The following LYRM4 variants were observed in gnomAD, a reference collection of about 807,000 sequenced individuals.
LYRM4 encodes LYR motif containing 4.
A neutral mutation model predicts 11.7 loss-of-function variants in LYRM4; 9 were observed. The ratio of observed to expected loss-of-function variants is 0.77; its 90% CI spans 0.46 to 1.34. The LOEUF (loss-of-function observed/expected upper bound fraction) is 1.34. Among genes scored for constraint, LYRM4 ranks in the 40% most tolerant of loss-of-function variants. LYRM4 has a pLI of 0.00. For synonymous variants in LYRM4, 42 were observed against 40.4 expected, an observed-to-expected ratio of 1.04 and a Z score of -0.15; for missense variants, 133 against 112.5, an observed-to-expected ratio of 1.18 and a Z score of -0.82.
chr6:5,060,735 C>T, the LYRM4 span, among the ~76,000 whole-genome samples: 1 of 152,142 alleles, frequency 6.6e-6, no homozygotes, highest in Non-Finnish European at 1.5e-5. Flanking sequence ...ACTGTGTTGC[C>T]CAGGCTGGTC....
intron 1 of LYRM4, among the ~76,000 whole-genome samples, chr6:5,220,152 T>C (rs1762502252): frequency 6.6e-6 from 1 of 152,208 alleles, no homozygotes; most frequent in Non-Finnish European, 1.5e-5. Flanking sequence ...TTATACTCTT[T>C]TCTGAGATTC....
chr6:5,245,111 AAAATATATATATATATATATATAT>A lies in LYRM4; in HGVS notation c.86+15513_86+15536del, dbSNP rs1281296724. ...CCTTAAAAAAAAAAAAAAAAAAAAAAAAATATATATATATATATATATATATATATATATATATATATATATATA... is the reference window on the plus strand; with the variant it reads ...CCTTAAAAAAAAAAAAAAAAAAAAAAATATATATATATATATATATATATA... On this transcript the variant is annotated intron_variant, in intron 1 of 2. Transcript: ENST00000330636. 1.7e-3 allele frequency among the ~76,000 whole-genome samples: 56 copies of A among 32,302 alleles called. 1 individual carries two copies. The highest frequency in any genetic ancestry group is 8.1e-3 in the African/African-American group (54 of 6,670). 21.2% of individuals were successfully genotyped at this position (32,302 alleles called of 152,430 possible).
At chr6:5,258,048 G>A (rs1424162318) in intron 1 of LYRM4, among the ~76,000 whole-genome samples, 4 of 152,140 alleles carry the variant, frequency 2.6e-5, no homozygotes, top group African/African-American at 9.7e-5. Context: ...CTCTAGACAG[G>A]AGTGATAAAG....
At chr6:5,123,926 G>A (rs1402677165) in intron 2 of LYRM4, among the ~76,000 whole-genome samples, 1 of 152,242 alleles carries the variant, frequency 6.6e-6, no homozygotes, top group African/African-American at 2.4e-5. Context: ...TGCTGCAAGA[G>A]GTGAAGATGA....
At chr6:5,160,405 G>A (rs868836480) in intron 2 of LYRM4, among the ~76,000 whole-genome samples, 2 of 152,092 alleles carry the variant, frequency 1.3e-5, no homozygotes, top group South Asian at 2.1e-4. Flanking sequence ...GAATTCCCAC[G>A]TGTGGTGGGA....
At position 5,228,515 on chromosome 6, in the gene LYRM4, T is replaced by C. The variant is rs1003893331; in HGVS notation, c.87-11777A>G. Reference sequence around the variant, plus strand: ...CTGGTATTGAACTCCTGACCTCAGGTAGTCCACCTGCCTTGGTCTCCCAAA... The same window carrying C: ...CTGGTATTGAACTCCTGACCTCAGGCAGTCCACCTGCCTTGGTCTCCCAAA... On this transcript the variant is annotated intron_variant, in intron 1 of 2. Transcript: ENST00000330636. Among the ~76,000 whole-genome samples, 8 of 152,080 alleles carry C rather than the reference T, an allele frequency of 5.3e-5. No homozygotes were observed. In the South Asian group the frequency reaches 1.0e-3, roughly 20 times the overall value.
chr6:5,073,930 G>A, the LYRM4 span, among the ~76,000 whole-genome samples: 12 of 152,270 alleles, frequency 7.9e-5, no homozygotes, highest in East Asian at 1.5e-3. Context: ...ATACCTTCCT[G>A]TCATGCTGCT....
intron 2 of LYRM4, chr6:5,136,612 C>A (rs1757114534): frequency 2.2e-5 from 22 of 985,352 alleles, no homozygotes; most frequent in Non-Finnish European, 2.7e-5. Context: ...TTAATGGCTT[C>A]TAGTAATCGA....
intron 1 of LYRM4, among the ~76,000 whole-genome samples, chr6:5,243,563 G>A (rs1024679413): frequency 1.3e-5 from 2 of 152,192 alleles, no homozygotes; most frequent in Non-Finnish European, 2.9e-5. Context: ...CCTAGGGTTA[G>A]AAGAATTCTG....
chr6:5,118,079 A>ATATATAT (rs142020013), intron 2 of LYRM4, among the ~76,000 whole-genome samples: 2 of 40,370 alleles, frequency 5.0e-5, no homozygotes, highest in East Asian at 1.5e-3. Context: ...TCACCAAAAC[A>ATATATAT]ATATATATAT....
chr6:5,197,505 C>T (rs1213516926), intron 2 of LYRM4, among the ~76,000 whole-genome samples: 1 of 151,804 alleles, frequency 6.6e-6, no homozygotes, highest in African/African-American at 2.4e-5. Flanking sequence ...AACCCCGTCT[C>T]TACTGAAAAT....
chr6:5,171,689 G>C (rs1759436235), intron 2 of LYRM4, among the ~76,000 whole-genome samples: 1 of 152,144 alleles, frequency 6.6e-6, no homozygotes, highest in Non-Finnish European at 1.5e-5. Flanking sequence ...AGAGTCTAAC[G>C]TGCTGACAAA....
intron 2 of LYRM4, among the ~76,000 whole-genome samples, chr6:5,134,403 T>A (rs1335458160): frequency 1.3e-5 from 2 of 152,264 alleles, no homozygotes; most frequent in East Asian, 3.8e-4. Flanking sequence ...TATAGATTTC[T>A]TTTAAAGACA....
At chr6:5,054,228 C>G in the LYRM4 span, 4 of 364,934 alleles carry the variant, frequency 1.1e-5, no homozygotes, top group South Asian at 1.1e-4. Flanking sequence ...AATGCCTTGT[C>G]CCTGGCACTG....
chr6:5,234,330 T>G (rs897136285), intron 1 of LYRM4, among the ~76,000 whole-genome samples: 4 of 152,234 alleles, frequency 2.6e-5, no homozygotes, highest in Admixed American at 6.5e-5. Context: ...CAATGGCAAG[T>G]GGCCTTCACG....
At chr6:5,259,605 C>T (rs1764868624) in intron 1 of LYRM4, among the ~76,000 whole-genome samples, 1 of 152,200 alleles carries the variant, frequency 6.6e-6, no homozygotes, top group Non-Finnish European at 1.5e-5. Context: ...TCAGGGCCTG[C>T]CAGCTCACAC....
At chr6:5,171,439 GT>G (rs1223208465) in intron 2 of LYRM4, among the ~76,000 whole-genome samples, 1 of 152,194 alleles carries the variant, frequency 6.6e-6, no homozygotes, top group Non-Finnish European at 1.5e-5. Context: ...CTGGCCTCCA[GT>G]TTATACCTCT....
chr6:5,146,618 A>G (rs1757742247), intron 2 of LYRM4, among the ~76,000 whole-genome samples: 2 of 152,080 alleles, frequency 1.3e-5, no homozygotes, highest in Admixed American at 1.3e-4. Flanking sequence ...CACAGCCCCC[A>G]GGCATCAATC....
At chr6:5,145,511 C>T (rs1013340187) in intron 2 of LYRM4, among the ~76,000 whole-genome samples, 4 of 152,098 alleles carry the variant, frequency 2.6e-5, no homozygotes, top group Admixed American at 6.5e-5. Context: ...ACGGCGAGGG[C>T]GAGGCTGCGG....
Sources: gnomAD v4.1 joint callset for allele counts (sites outside exome capture counted in the v4.1 genomes callset) on GRCh38, gnomAD v4.1.1 for gene constraint, MANE v1.5 for transcripts, NCBI Gene and HGNC (gene_info 2026-07-23, HGNC 2026-07-21) for gene names.